NSUN3: variants seen among roughly 807,000 people sequenced by gnomAD.
NSUN3 encodes the protein NOP2/Sun RNA methyltransferase 3.
NSUN3 carries 24 observed loss-of-function variants against 36.8 expected under a neutral mutation model. The observed-to-expected ratio is 0.65, with a 90% CI of 0.47 to 0.92. The LOEUF (loss-of-function observed/expected upper bound fraction) is 0.92. Among genes scored for constraint, NSUN3 ranks in the 40% least tolerant of loss-of-function variants. NSUN3 has a pLI of 0.00. For missense variants in NSUN3, 381 were observed against 392.8 expected, an observed-to-expected ratio of 0.97 and a Z score of 0.25; for synonymous variants, 146 against 145.2, an observed-to-expected ratio of 1.01 and a Z score of -0.04.
chr3:94,085,912 G>A (rs368797730), intron 3 of NSUN3, among the ~76,000 whole-genome samples: 10 of 150,716 alleles, frequency 6.6e-5, no homozygotes, highest in Admixed American at 2.0e-4. Context: ...AGCAAATGAC[G>A]TGACACCATC....
chr3:94,076,350 T>C (rs922874815), intron 2 of NSUN3: 26 of 826,410 alleles, frequency 3.1e-5, no homozygotes, highest in Non-Finnish European at 5.6e-5. Flanking sequence ...GAAAGGCAGT[T>C]CACTTCAGCA....
chr3:94,094,823 C>T (rs1025989564), intron 4 of NSUN3, among the ~76,000 whole-genome samples: 6 of 152,118 alleles, frequency 3.9e-5, no homozygotes, highest in African/African-American at 1.4e-4. Context: ...CAAAAACAAA[C>T]ACTGAAAGTA....
chr3:94,098,312 G>T (rs1175605662), intron 5 of NSUN3, among the ~76,000 whole-genome samples: 2 of 152,122 alleles, frequency 1.3e-5, no homozygotes, highest in Non-Finnish European at 2.9e-5. Context: ...TCACCTAAAT[G>T]ATTTTAACTG....
At chr3:94,080,763 T>G (rs1460859164) in intron 2 of NSUN3, among the ~76,000 whole-genome samples, 1 of 152,118 alleles carries the variant, frequency 6.6e-6, no homozygotes. Context: ...TCCACCAAGC[T>G]CCAGCATCCC....
chr3:94,066,693 T>C (rs1202434367), intron 2 of NSUN3, among the ~76,000 whole-genome samples: 1 of 152,204 alleles, frequency 6.6e-6, no homozygotes, highest in Non-Finnish European at 1.5e-5. Context: ...CAGTATGCTG[T>C]CATCTCAAGC....
At chr3:94,089,282 G>A (rs2077305297) in intron 3 of NSUN3, among the ~76,000 whole-genome samples, 1 of 152,252 alleles carries the variant, frequency 6.6e-6, no homozygotes. Context: ...CGATGACTTA[G>A]CTGTTATCAC....
At chr3:94,067,647 ATGGCACTAT>A (rs1305578633) in intron 2 of NSUN3, among the ~76,000 whole-genome samples, 1 of 152,194 alleles carries the variant, frequency 6.6e-6, no homozygotes, top group Admixed American at 6.5e-5. Context: ...AACCACTTTT[ATGGCACTAT>A]GTACCAGTCA....
chr3:94,078,836 C>A (rs113818351), intron 2 of NSUN3, among the ~76,000 whole-genome samples: 2 of 152,066 alleles, frequency 1.3e-5, no homozygotes, highest in Non-Finnish European at 2.9e-5. Flanking sequence ...TCTCTGCATG[C>A]GAGATGGGTC....
intron 3 of NSUN3, among the ~76,000 whole-genome samples, chr3:94,092,252 C>T (rs1337263418): frequency 1.3e-5 from 2 of 152,216 alleles, no homozygotes; most frequent in Non-Finnish European, 2.9e-5. Flanking sequence ...TGAGAAGGCT[C>T]TGTAATTTCA....
At chr3:94,085,005 A>G (rs1223378837) in intron 3 of NSUN3, 1 of 152,270 alleles carries the variant, frequency 6.6e-6, no homozygotes, top group Non-Finnish European at 1.5e-5. Flanking sequence ...TGTAATCAAA[A>G]TAGAAATAAT....
In NSUN3 at chr3:94,084,266, C is replaced by T; in HGVS notation, c.282C>T (p.Ser94=). 1 of 1,614,108 alleles carries T rather than the reference C, an allele frequency of 6.2e-7. No homozygotes were observed. Among genetic ancestry groups the T allele is most frequent in the Non-Finnish European group, 8.5e-7 (1 of 1,180,014 alleles). The change falls in exon 3 of 6, where the codon AGC becomes AGT. Residue 94 remains serine (S), a synonymous_variant. Transcript: ENST00000314622. The part of the protein sequence containing the change: ...NYPKSVKCYL[S]RTPGRIPSER... Reference sequence around the variant, plus strand: ...CTAAATCAGTGAAGTGTTACCTTAGCAGAACTCCGGGCCGAATCCCTTCAG... The same window carrying T: ...CTAAATCAGTGAAGTGTTACCTTAGTAGAACTCCGGGCCGAATCCCTTCAG...
intron 5 of NSUN3, among the ~76,000 whole-genome samples, chr3:94,104,954 C>CT (rs1172232006): frequency 6.6e-6 from 1 of 152,080 alleles, no homozygotes; most frequent in African/African-American, 2.4e-5. Flanking sequence ...AGTTTAACAT[C>CT]TTTTTTTCTT....
Position 94,126,230 on chromosome 3 carries a change from C to G in NSUN3, c.763C>G (p.Arg255Gly). 1 of 1,612,768 alleles carries G rather than the reference C, an allele frequency of 6.2e-7. No homozygotes were observed. The highest frequency in any genetic ancestry group is 8.5e-7 in the Non-Finnish European group (1 of 1,179,044). ...ACACAGGTCTGCAATTAAGGCCTTA[C>G]GTCCTGGAGGGATACTTGTATACTC... ...ELLRSAIKAL[R>G]PGGILVYSTC... Residue 255 changes from arginine to glycine, a missense_variant, in exon 6 of 6, where the codon CGT becomes GGT. Transcript: ENST00000314622.
At chr3:94,108,624 G>T (rs577311653) in intron 5 of NSUN3, among the ~76,000 whole-genome samples, 1 of 152,018 alleles carries the variant, frequency 6.6e-6, no homozygotes, top group Non-Finnish European at 1.5e-5. Context: ...TTCCCAAAGT[G>T]CTGGGATTAC....
In NSUN3 at chr3:94,084,434, G is replaced by C; in HGVS notation, c.450G>C (p.Leu150=). 1 of 1,613,064 alleles carries C rather than the reference G, an allele frequency of 6.2e-7. No homozygotes were observed. Among genetic ancestry groups the C allele is most frequent in the Non-Finnish European group, 8.5e-7 (1 of 1,179,402 alleles). The part of the protein sequence containing the change: ...AAPGGKSIAL[L]QCACPGYLHC... ...CTGGAGGGAAATCAATAGCTCTGCT[G>C]CAGTGTGCTTGTCCAGGTAGTGTGC... The change falls in exon 3 of 6, where the codon CTG becomes CTC. Residue 150 remains leucine, a synonymous_variant. Coordinates refer to ENST00000314622, the MANE Select transcript of NSUN3 (RefSeq NM_022072.5).
chr3:94,092,986 A>C (rs2107254062), intron 3 of NSUN3, among the ~76,000 whole-genome samples: 1 of 151,266 alleles, frequency 6.6e-6, no homozygotes, highest in South Asian at 2.1e-4. Context: ...AAGGTAAGCC[A>C]TACACAGAAA....
Position 94,126,585 on chromosome 3 carries a change from G to A in NSUN3, c.*95G>A. 9.0e-7 allele frequency: 1 copy of A among 1,114,402 alleles called. No individual in the cohort carries two copies. The highest frequency in any genetic ancestry group is 2.6e-5 in the Admixed American group (1 of 38,390). 69.0% of individuals were successfully genotyped at this position (1,114,402 alleles called of 1,614,324 possible). A position where few individuals can be genotyped will look rare whatever the true frequency, so the allele number is the denominator to read the frequency against. ...AAATAATTATGCAGTAACTTTCTCTGGGTCTGTTTGGAATCCTATTTAGTT... is the reference window on the plus strand; with the variant it reads ...AAATAATTATGCAGTAACTTTCTCTAGGTCTGTTTGGAATCCTATTTAGTT... On this transcript the variant is annotated 3_prime_UTR_variant, in exon 6 of 6. Transcript: ENST00000314622.
chr3:94,065,199 C>G (rs2077199448), intron 2 of NSUN3, among the ~76,000 whole-genome samples: 1 of 152,152 alleles, frequency 6.6e-6, no homozygotes, highest in African/African-American at 2.4e-5. Flanking sequence ...GTCTGCATGT[C>G]CAGTTTACAT....
intron 5 of NSUN3, among the ~76,000 whole-genome samples, chr3:94,112,609 T>G (rs1487538983): frequency 1.3e-5 from 2 of 152,208 alleles, no homozygotes; most frequent in East Asian, 3.9e-4. Context: ...TCTTGCTGTT[T>G]AATCTGCATT....
Sources: gnomAD v4.1 joint callset for allele counts (sites outside exome capture counted in the v4.1 genomes callset) on GRCh38, gnomAD v4.1.1 for gene constraint, MANE v1.5 for transcripts, NCBI Gene and HGNC (gene_info 2026-07-23, HGNC 2026-07-21) for gene names.